AIFM1: variants seen among roughly 807,000 people sequenced by gnomAD.
AIFM1 encodes apoptosis-inducing factor 1, mitochondrial.
A neutral mutation model predicts 51.7 loss-of-function variants in AIFM1; 3 were observed. The ratio of observed to expected loss-of-function variants is 0.06; its 90% CI spans 0.03 to 0.15. The LOEUF is 0.15. AIFM1 is among the 10% of genes least tolerant of loss of function. The pLI is 1.00. For missense variants in AIFM1, 330 were observed against 476.8 expected (o/e 0.69, Z 2.87); for synonymous variants, 178 against 179.4 (o/e 0.99, Z 0.06).
At chrX:130,160,225 T>C (rs778344156) in intron 1 of AIFM1, among the ~76,000 whole-genome samples, 2 of 112,033 alleles carry the variant, frequency 1.8e-5, no homozygotes, top group South Asian at 7.4e-4. Context: ...CACATTTTCT[T>C]TTCCCTATGA....
chrX:130,164,813 T>C (rs1236846629), intron 1 of AIFM1, among the ~76,000 whole-genome samples: 2 of 111,814 alleles, frequency 1.8e-5, no homozygotes, highest in Non-Finnish European at 1.9e-5. Flanking sequence ...TATGTGACCT[T>C]TGGCAAGTAA....
In AIFM1 at chrX:130,129,892, A is replaced by T. The variant is rs774351519; in HGVS notation, c.1770+78T>A. 1.3e-5 allele frequency: 15 copies of T among 1,137,792 alleles called. No individual in the cohort carries two copies. The South Asian group carries it at 2.7e-4, about 21-fold the overall frequency. The allele number at this position is 1,137,792 out of a possible 1,213,427, so 93.8% of individuals were successfully genotyped here. On this transcript the variant is annotated intron_variant, in intron 15 of 15. Transcript: ENST00000287295. ...ACCTGGCCGGGGGACAATGCATCTC[A>T]GGGCACCCGATGAAGTTACAGGAAT...
chrX:130,151,382 A>T (rs2030973211), intron 2 of AIFM1, among the ~76,000 whole-genome samples: 1 of 110,794 alleles, frequency 9.0e-6, no homozygotes, highest in African/African-American at 3.3e-5. Context: ...CTTGTGATCC[A>T]CCCACCTTGG....
intron 1 of AIFM1, among the ~76,000 whole-genome samples, chrX:130,164,690 G>A (rs942347038): frequency 8.9e-6 from 1 of 111,834 alleles, no homozygotes; most frequent in African/African-American, 3.3e-5. Context: ...GAAGAGACCC[G>A]AATTCATTCT....
At chrX:130,129,765 A>C (rs948094569) in intron 15 of AIFM1, 137 bp from the exon 16 acceptor site, 34 of 755,541 alleles carry the variant, frequency 4.5e-5, no homozygotes, top group Middle Eastern at 3.6e-4. Flanking sequence ...ACTAACCCCA[A>C]ACAAGCAGCC....
At chrX:130,141,138 A>G (rs1360924500) in intron 6 of AIFM1, among the ~76,000 whole-genome samples, 4 of 111,836 alleles carry the variant, frequency 3.6e-5, no homozygotes, top group Non-Finnish European at 7.5e-5. Flanking sequence ...AAACAAAAAA[A>G]CCCCAAAACC....
chrX:130,156,582 T>C lies in AIFM1; in HGVS notation c.128A>G (p.His43Arg). The change falls in exon 2 of 16, where the codon CAT becomes CGT. Residue 43 changes from histidine (H) to arginine (R), a missense_variant. This residue lies in a region of AIFM1 where 110 missense variants were observed against 103.1 expected (regional missense o/e 1.07). Transcript: ENST00000287295. ...RLPGNLFQRW[H>R]VPLELQMTRQ... ...TGTCATCTGGAGTTCTAGAGGAACA[T>C]GCCATCGCTGGAACAAGTTGCCTAA... 1 of 1,211,803 alleles carries C rather than the reference T, an allele frequency of 8.3e-7. No homozygotes were observed. The highest frequency in any genetic ancestry group is 1.7e-5 in the African/African-American group (1 of 57,842).
intron 14 of AIFM1, among the ~76,000 whole-genome samples, chrX:130,131,420 T>C (rs1477295660): frequency 8.9e-6 from 1 of 112,688 alleles, no homozygotes. Flanking sequence ...AGCAGTGTCA[T>C]TGAGCTAGCC....
rs758001002 is a variant in AIFM1 at position 130,152,620 on chromosome X, A to G, written c.250-3052T>C. On this transcript the variant is annotated intron_variant, in intron 2 of 15. Coordinates refer to ENST00000287295, the MANE Select transcript of AIFM1 (RefSeq NM_004208.4). The stretch of plus-strand genomic sequence containing the variant: ...AACAATAGCAAAGGGCCCAAATACT[A>G]AATCTCATTAACTATTCTAAAGGCC... Among the ~76,000 whole-genome samples the G allele has an allele frequency of 2.3e-3, 262 of 112,052 alleles. 2 individuals carry two copies. The highest frequency in any genetic ancestry group is 0.011 in the South Asian group (31 of 2,718).
At chrX:130,146,549 T>C (rs755426264) in intron 5 of AIFM1, among the ~76,000 whole-genome samples, 8 of 109,275 alleles carry the variant, frequency 7.3e-5, no homozygotes, top group Non-Finnish European at 1.5e-4. Flanking sequence ...ATACATCCTG[T>C]TTGAAAATGG....
intron 12 of AIFM1, 34 bp from the exon 13 acceptor site, chrX:130,133,489 TA>T (rs377335587): frequency 0.13 from 84,707 of 629,037 alleles, 3 homozygotes; most frequent in East Asian, 0.16. Context: ...GAACACATGA[TA>T]AAAAAAAAAA....
In AIFM1 at chrX:130,161,182, G is replaced by A. The variant is rs763278239; in HGVS notation, c.106+4369C>T. Among the ~76,000 whole-genome samples the A allele has an allele frequency of 1.6e-4, 18 of 111,031 alleles. No homozygotes were observed. In the East Asian group the frequency reaches 4.0e-3, roughly 25 times the overall value. ...AGAGATCTATACGTTCTTGAGACTT[G>A]TTTCCTGAGGGTCAAACTGATTTTT... On this transcript the variant is annotated intron_variant, in intron 1 of 15. Transcript: ENST00000287295.
intron 13 of AIFM1, 78 bp from the exon 14 acceptor site, chrX:130,131,877 ATTT>A: frequency 4.3e-6 from 4 of 934,714 alleles, no homozygotes; most frequent in Non-Finnish European, 5.9e-6. Flanking sequence ...ATGACACTGC[ATTT>A]TTTTTTTTTT....
intron 6 of AIFM1, among the ~76,000 whole-genome samples, chrX:130,142,922 C>T (rs1369623290): frequency 8.9e-6 from 1 of 111,970 alleles, no homozygotes. Flanking sequence ...ATCTGAACCG[C>T]CAAATCTCAC....
chrX:130,134,151 GGC>G (rs1462444975), intron 12 of AIFM1, among the ~76,000 whole-genome samples: 1 of 109,595 alleles, frequency 9.1e-6, no homozygotes, highest in Non-Finnish European at 1.9e-5. Context: ...ACAGGAGAAT[GGC>G]TTGAACCCAG....
chrX:130,140,673 G>A (rs1469607079), intron 6 of AIFM1, 56 bp from the exon 7 acceptor site: 1 of 909,189 alleles, frequency 1.1e-6, no homozygotes, highest in Non-Finnish European at 1.6e-6. Flanking sequence ...CATTGAAAAA[G>A]TTTTATTGAG....
intron 7 of AIFM1, among the ~76,000 whole-genome samples, chrX:130,140,191 A>T (rs1352017401): frequency 1.8e-5 from 2 of 112,542 alleles, no homozygotes; most frequent in Non-Finnish European, 3.8e-5. Context: ...CATGGGTTTG[A>T]TAAATTGCTT....
At chrX:130,148,584 A>G (rs1362292299) in intron 3 of AIFM1, among the ~76,000 whole-genome samples, 1 of 111,256 alleles carries the variant, frequency 9.0e-6, no homozygotes, top group Non-Finnish European at 1.9e-5. Context: ...CTGTAATCCC[A>G]GCACTTTGGG....
At chrX:130,153,352 CAAAAAAAAAAA>C (rs35771131) in intron 2 of AIFM1, among the ~76,000 whole-genome samples, 2 of 42,860 alleles carry the variant, frequency 4.7e-5, no homozygotes, top group Non-Finnish European at 8.0e-5. Context: ...GACTCCGTTT[CAAAAAAAAAAA>C]AAAAAAAAAA....
Sources: allele counts gnomAD v4.1 joint callset (sites outside exome capture counted in the v4.1 genomes callset), GRCh38; gene constraint gnomAD v4.1.1; regional missense constraint gnomAD v4.1.1; transcripts MANE v1.5; gene names NCBI Gene and HGNC (gene_info 2026-07-23, HGNC 2026-07-21).